DENND1A: variants seen among roughly 807,000 people sequenced by gnomAD.
The protein encoded by DENND1A is DENN domain containing 1A.
A neutral mutation model predicts 113.7 loss-of-function variants in DENND1A; 51 were observed. That is an observed-to-expected ratio of 0.45 (90% CI 0.36 to 0.57). DENND1A has a LOEUF of 0.57. DENND1A is among the 20% of genes least tolerant of loss of function. The probability of loss-of-function intolerance (pLI) is 0.00; values close to 1 mark genes in which losing one functional copy is unlikely to be tolerated. For synonymous variants in DENND1A, 565 were observed against 570.8 expected, an observed-to-expected ratio of 0.99 and a Z score of 0.14; for missense variants, 1,258 against 1,395.9, an observed-to-expected ratio of 0.90 and a Z score of 1.57.
chr9:123,682,752 T>C (rs137984608), intron 5 of DENND1A, among the ~76,000 whole-genome samples: 228 of 152,232 alleles, frequency 1.5e-3, no homozygotes, highest in African/African-American at 5.2e-3. Flanking sequence ...TGAAAAGATA[T>C]ACACCACCTG....
intron 19 of DENND1A, among the ~76,000 whole-genome samples, chr9:123,418,201 T>C (rs2044906843): frequency 6.6e-6 from 1 of 152,180 alleles, no homozygotes; most frequent in African/African-American, 2.4e-5. Flanking sequence ...CAGGCCTCCA[T>C]ATTGCCAACC....
At chr9:123,613,319 A>G (rs892778824) in intron 10 of DENND1A, among the ~76,000 whole-genome samples, 3 of 152,232 alleles carry the variant, frequency 2.0e-5, no homozygotes, top group South Asian at 2.1e-4. Flanking sequence ...ATAAAACAGC[A>G]AAATAAATTG....
At chr9:123,401,408 T>C (rs1214160510) in intron 21 of DENND1A, 6 of 900,646 alleles carry the variant, frequency 6.7e-6, no homozygotes, top group Non-Finnish European at 6.8e-6. Context: ...GAAATACCAC[T>C]GGTATTATGG....
intron 8 of DENND1A, among the ~76,000 whole-genome samples, chr9:123,658,144 G>A (rs1423620164): frequency 6.6e-6 from 1 of 152,084 alleles, no homozygotes; most frequent in South Asian, 2.1e-4. Flanking sequence ...TCTGGGCAAT[G>A]TTATATGTAA....
intron 13 of DENND1A, among the ~76,000 whole-genome samples, chr9:123,552,027 GAGAGAGAGAGAC>G (rs1189530027): frequency 7.0e-6 from 1 of 143,250 alleles, no homozygotes; most frequent in African/African-American, 2.8e-5. Flanking sequence ...GCGAGAGAGA[GAGAGAGAGAGAC>G]AGAGAGAGAG....
At position 123,855,490 on chromosome 9, in the gene DENND1A, G is replaced by A. The variant is rs1844026949; in HGVS notation, c.88+23461C>T. On this transcript the variant is annotated intron_variant, in intron 2 of 23. Coordinates refer to ENST00000394215, the MANE Select transcript of DENND1A (RefSeq NM_001352964.2). ...AAAGACCAGATCCTAAGGTATGAAA[G>A]AAAATAGACTAAAGTGGCTCAGCTA... is the stretch of plus-strand genomic sequence containing the variant. Among the ~76,000 whole-genome samples the A allele has an allele frequency of 3.9e-5, 6 of 152,116 alleles. No homozygotes were observed. The South Asian group carries it at 1.2e-3, about 32-fold the overall frequency.
chr9:123,667,819 A>T (rs1293314917), intron 7 of DENND1A, among the ~76,000 whole-genome samples: 1 of 152,102 alleles, frequency 6.6e-6, no homozygotes, highest in Non-Finnish European at 1.5e-5. Context: ...AATGTGGCCA[A>T]AATCTGCCCC....
chr9:123,654,413 C>T lies in DENND1A; in HGVS notation c.508-2290G>A, dbSNP rs1003996854. On this transcript the variant is annotated intron_variant, in intron 8 of 23. Transcript: ENST00000394215. ...CTCAAGAGTCTGCCAAGAAGCTTCA[C>T]GCTGGGGAGAAATATGTTACACAGC... Among the ~76,000 whole-genome samples, 2 of 152,082 alleles carry T rather than the reference C, an allele frequency of 1.3e-5. 1 individual carries two copies. The highest frequency in any genetic ancestry group is 4.1e-4 in the South Asian group (2 of 4,824).
At chr9:123,578,054 C>T (rs1787794660) in intron 12 of DENND1A, among the ~76,000 whole-genome samples, 2 of 152,222 alleles carry the variant, frequency 1.3e-5, no homozygotes, top group Admixed American at 6.5e-5. Flanking sequence ...TTTTACCCTA[C>T]ATATGGGCAG....
intron 2 of DENND1A, among the ~76,000 whole-genome samples, chr9:123,873,526 A>G (rs1222962498): frequency 2.0e-5 from 3 of 152,228 alleles, no homozygotes; most frequent in Non-Finnish European, 4.4e-5. Flanking sequence ...TCATTAGGTA[A>G]TGTTTTAGGT....
intron 1 of DENND1A, among the ~76,000 whole-genome samples, chr9:123,915,515 G>C (rs1357171977): frequency 6.6e-6 from 1 of 151,994 alleles, no homozygotes; most frequent in East Asian, 1.9e-4. Flanking sequence ...AGTGTTGAGG[G>C]TTAATGGAAC....
chr9:123,920,652 C>T (rs974279621), intron 1 of DENND1A, among the ~76,000 whole-genome samples: 1 of 152,102 alleles, frequency 6.6e-6, no homozygotes, highest in Non-Finnish European at 1.5e-5. Context: ...CTCCCCTTCC[C>T]GGGTTCAAGC....
chr9:123,460,492 T>A (rs2048441853), intron 13 of DENND1A, among the ~76,000 whole-genome samples: 1 of 152,254 alleles, frequency 6.6e-6, no homozygotes, highest in South Asian at 2.1e-4. Context: ...GATGGCCTGC[T>A]GGCGTCTCAA....
At chr9:123,728,515 C>CAGCAGT (rs2067919172) in intron 5 of DENND1A, among the ~76,000 whole-genome samples, 1 of 84,220 alleles carries the variant, frequency 1.2e-5, no homozygotes, top group African/African-American at 5.8e-5. Flanking sequence ...AAAAAACAGG[C>CAGCAGT]ATCAGTCATC....
intron 13 of DENND1A, among the ~76,000 whole-genome samples, chr9:123,550,318 G>T (rs919751958): frequency 5.3e-5 from 8 of 152,364 alleles, no homozygotes; most frequent in Admixed American, 1.3e-4. Context: ...CAGTAGCTCT[G>T]TTCCCTTTAT....
chr9:123,803,185 G>GGGTC (rs1834990080), intron 2 of DENND1A, among the ~76,000 whole-genome samples: 1 of 152,060 alleles, frequency 6.6e-6, no homozygotes, highest in Non-Finnish European at 1.5e-5. Context: ...AGCTAACAGG[G>GGGTC]GGTCCATTTT....
intron 11 of DENND1A, among the ~76,000 whole-genome samples, chr9:123,589,179 T>A (rs1157700244): frequency 6.6e-6 from 1 of 152,158 alleles, no homozygotes; most frequent in Non-Finnish European, 1.5e-5. Context: ...AGTGCCCTAC[T>A]ACATGGAAAC....
chr9:123,748,536 A>G (rs2069727431), intron 5 of DENND1A, among the ~76,000 whole-genome samples: 1 of 152,192 alleles, frequency 6.6e-6, no homozygotes, highest in African/African-American at 2.4e-5. Flanking sequence ...TACTGCTTCT[A>G]AAACTGATCC....
chr9:123,824,541 T>C (rs1180009922), intron 2 of DENND1A, among the ~76,000 whole-genome samples: 2 of 152,160 alleles, frequency 1.3e-5, no homozygotes, highest in African/African-American at 4.8e-5. Context: ...CACCAATATA[T>C]GTAATTTAAA....
Sources: allele counts gnomAD v4.1 joint callset (sites outside exome capture counted in the v4.1 genomes callset), GRCh38; gene constraint gnomAD v4.1.1; transcripts MANE v1.5; gene names NCBI Gene and HGNC (gene_info 2026-07-23, HGNC 2026-07-21).